The following ANGPT2 variants were observed in gnomAD, a reference collection of about 807,000 sequenced individuals.
The protein encoded by ANGPT2 is angiopoietin 2, also known as angiopoietin-2.
ANGPT2 carries 28 observed loss-of-function variants against 62.9 expected under a neutral mutation model. That is an observed-to-expected ratio of 0.44 (90% CI 0.33 to 0.61). The LOEUF (loss-of-function observed/expected upper bound fraction) is 0.61, where lower values mean the gene tolerates loss of function less well. Among genes scored for constraint, ANGPT2 ranks in the 20% least tolerant of loss-of-function variants. ANGPT2 has a pLI of 0.03. For synonymous variants in ANGPT2, 284 were observed against 207.8 expected, an observed-to-expected ratio of 1.37 and a Z score of -3.15; for missense variants, 727 against 594.9, an observed-to-expected ratio of 1.22 and a Z score of -2.31.
intron 7 of ANGPT2, among the ~76,000 whole-genome samples, chr8:6,512,380 G>C (rs2922904): frequency 4.1e-4 from 62 of 152,298 alleles, no homozygotes; most frequent in African/African-American, 1.4e-3. Flanking sequence ...GGAGCGGAGT[G>C]TCTGACTTGG....
At position 6,508,989 on chromosome 8, in the gene ANGPT2, T is replaced by A. The variant is rs1257832723; in HGVS notation, c.1270A>T (p.Thr424Ser). The A allele has an allele frequency of 6.2e-7, 1 of 1,614,060 alleles. No homozygotes were observed. The highest frequency in any genetic ancestry group is 1.3e-5 in the African/African-American group (1 of 74,924). Residue 424 changes from threonine to serine, a missense_variant, in exon 8 of 9, where the codon ACA (threonine) becomes TCA (serine). Physicochemically the swap from Thr to Ser is moderately conservative, Grantham distance 58 (BLOSUM62 1). Transcript: ENST00000629816. ...SISQPGNDFS[T>S]KDGDNDKCIC... is the part of the protein sequence containing the mutation. ...CATTTGTCGTTGTCTCCATCCTTTG[T>A]GCTAAAATCATTTCCTGGTTGGCTG... is the stretch of plus-strand genomic sequence containing the variant.
At chr8:6,550,607 G>C (rs981506210) in intron 1 of ANGPT2, among the ~76,000 whole-genome samples, 3 of 152,230 alleles carry the variant, frequency 2.0e-5, no homozygotes, top group Non-Finnish European at 4.4e-5. Context: ...GTAGGGTGGC[G>C]GGCGTTGGTG....
intron 1 of ANGPT2, among the ~76,000 whole-genome samples, chr8:6,551,119 G>C (rs1823574089): frequency 6.6e-6 from 1 of 152,194 alleles, no homozygotes. Context: ...CTGGGCCCCT[G>C]ACTCGAAGCT....
chr8:6,544,452 A>G (rs1235335805), intron 1 of ANGPT2, among the ~76,000 whole-genome samples: 1 of 152,218 alleles, frequency 6.6e-6, no homozygotes, highest in Non-Finnish European at 1.5e-5. Flanking sequence ...CTAACCCAAA[A>G]TAAGAGAGTA....
intron 1 of ANGPT2, among the ~76,000 whole-genome samples, chr8:6,539,596 C>CT (rs982967818): frequency 1.5e-4 from 23 of 151,506 alleles, no homozygotes; most frequent in Admixed American, 4.6e-4. Context: ...TTTTTATTGT[C>CT]TTTTTTTTGA....
At chr8:6,526,136 G>C (rs920321121) in intron 3 of ANGPT2, among the ~76,000 whole-genome samples, 4 of 151,706 alleles carry the variant, frequency 2.6e-5, no homozygotes, top group Non-Finnish European at 4.4e-5. Context: ...TTAAGAAAAC[G>C]ACGCCAGGTA....
chr8:6,546,606 A>C (rs923484350), intron 1 of ANGPT2, among the ~76,000 whole-genome samples: 2 of 152,178 alleles, frequency 1.3e-5, no homozygotes, highest in African/African-American at 4.8e-5. Flanking sequence ...TCAGAACATA[A>C]ATACTTAAAT....
At chr8:6,511,899 C>CTTTTTTTTTTTTT (rs34089402) in intron 7 of ANGPT2, among the ~76,000 whole-genome samples, 1 of 141,954 alleles carries the variant, frequency 7.0e-6, no homozygotes. Context: ...TTTTGTGCTT[C>CTTTTTTTTTTTTT]TTTTTTTTTT....
chr8:6,546,504 G>A (rs964802072), intron 1 of ANGPT2, among the ~76,000 whole-genome samples: 15 of 151,668 alleles, frequency 9.9e-5, no homozygotes, highest in African/African-American at 2.7e-4. Flanking sequence ...CCATTCATAC[G>A]TCACTGGGGT....
chr8:6,527,446 C>T (rs1818540209), intron 3 of ANGPT2, 109 bp downstream of exon 3: 7 of 1,382,606 alleles, frequency 5.1e-6, no homozygotes, highest in Non-Finnish European at 6.9e-6. Context: ...CTGACCCTTA[C>T]ACTAGACATG....
intron 5 of ANGPT2, among the ~76,000 whole-genome samples, chr8:6,515,331 C>G (rs1816045700): frequency 2.0e-5 from 3 of 152,142 alleles, no homozygotes; most frequent in Non-Finnish European, 2.9e-5. Context: ...CAATACTAAT[C>G]AGATTTTTTG....
chr8:6,544,556 A>G lies in ANGPT2; in HGVS notation c.289-12069T>C, dbSNP rs548171878. On this transcript the variant is annotated intron_variant, in intron 1 of 8. Coordinates refer to ENST00000629816, the MANE Select transcript of ANGPT2 (RefSeq NM_001118887.2). ...GTCATTTTCGGAGAGAGTTTGTCGA[A>G]GTTTTTTTCAGGGTGTGTCATTCAT... Among the ~76,000 whole-genome samples, 167 of 152,298 alleles carry G rather than the reference A, an allele frequency of 1.1e-3. 1 individual carries two copies. Among genetic ancestry groups the G allele is most frequent in the African/African-American group, 3.7e-3 (154 of 41,570 alleles).
chr8:6,526,104 A>C (rs992818038), intron 3 of ANGPT2, among the ~76,000 whole-genome samples: 1 of 152,048 alleles, frequency 6.6e-6, no homozygotes, highest in Non-Finnish European at 1.5e-5. Context: ...TTTTGAAGAG[A>C]ACATTACTAA....
chr8:6,513,658 A>T lies in ANGPT2; in HGVS notation c.1196+20T>A. ...ACAAATCTTTTAATTTTTTCTTTCAATTACCATGAACTCACTTACCTATAA... is the reference window on the plus strand; with the variant it reads ...ACAAATCTTTTAATTTTTTCTTTCATTTACCATGAACTCACTTACCTATAA... On this transcript the variant is annotated intron_variant, in intron 7 of 8. Transcript: ENST00000629816. The T allele has an allele frequency of 6.3e-7, 1 of 1,587,540 alleles. No homozygotes were observed. The highest frequency in any genetic ancestry group is 8.6e-7 in the Non-Finnish European group (1 of 1,167,104).
intron 7 of ANGPT2, among the ~76,000 whole-genome samples, chr8:6,510,091 G>C (rs1303960115): frequency 1.3e-5 from 2 of 152,034 alleles, no homozygotes; most frequent in African/African-American, 4.8e-5. Flanking sequence ...GCTTACATCG[G>C]TCATCTGTGT....
chr8:6,513,929 G>A (rs1047311723), intron 6 of ANGPT2, 85 bp from the exon 7 acceptor site: 40 of 1,250,084 alleles, frequency 3.2e-5, no homozygotes, highest in Non-Finnish European at 4.0e-5. Flanking sequence ...ACTTAACATA[G>A]AATAACTATC....
At chr8:6,518,035 G>T (rs1394330866) in intron 5 of ANGPT2, among the ~76,000 whole-genome samples, 1 of 151,704 alleles carries the variant, frequency 6.6e-6, no homozygotes, top group East Asian at 1.9e-4. Flanking sequence ...TAATCCCAGA[G>T]TACTATATAT....
intron 1 of ANGPT2, among the ~76,000 whole-genome samples, chr8:6,544,688 A>G (rs1460984687): frequency 2.0e-5 from 3 of 152,178 alleles, no homozygotes; most frequent in Non-Finnish European, 4.4e-5. Context: ...TTCTAAAGTA[A>G]TTTTTACAGA....
chr8:6,515,177 G>A (rs1586276816), intron 5 of ANGPT2, among the ~76,000 whole-genome samples: 1 of 151,422 alleles, frequency 6.6e-6, no homozygotes, highest in East Asian at 1.9e-4. Flanking sequence ...ATTGACTTGT[G>A]TTCACAGCCT....
Sources: gnomAD v4.1 joint callset for allele counts (sites outside exome capture counted in the v4.1 genomes callset) on GRCh38, gnomAD v4.1.1 for gene constraint, MANE v1.5 for transcripts, NCBI Gene and HGNC (gene_info 2026-07-23, HGNC 2026-07-21) for gene names.